The following RHBDD1 variants were observed in gnomAD, a reference collection of about 807,000 sequenced individuals.
RHBDD1 encodes rhomboid domain containing 1, also known as rhomboid-related protein 4.
RHBDD1 carries 38 observed loss-of-function variants against 36.3 expected under a neutral mutation model. The ratio of observed to expected loss-of-function variants is 1.05; its 90% CI spans 0.81 to 1.37. RHBDD1 has a LOEUF of 1.37. RHBDD1 is among the 40% of genes most tolerant of loss of function. The pLI is 0.00. For missense variants in RHBDD1, 393 were observed against 377.6 expected (o/e 1.04, Z -0.34); for synonymous variants, 151 against 136.5 (o/e 1.11, Z -0.74).
intron 5 of RHBDD1, among the ~76,000 whole-genome samples, chr2:226,900,548 T>G (rs1947501272): frequency 6.6e-6 from 1 of 152,186 alleles, no homozygotes; most frequent in South Asian, 2.1e-4. Flanking sequence ...TTTTAGGATA[T>G]AATAATATAT....
chr2:226,800,929 G>T, the RHBDD1 span, among the ~76,000 whole-genome samples: 1 of 152,180 alleles, frequency 6.6e-6, no homozygotes, highest in East Asian at 1.9e-4. Context: ...GTCACCTTGC[G>T]GTATCAGTCT....
intron 5 of RHBDD1, among the ~76,000 whole-genome samples, chr2:226,870,137 C>T (rs977365289): frequency 1.3e-5 from 2 of 152,128 alleles, no homozygotes; most frequent in Non-Finnish European, 2.9e-5. Flanking sequence ...GTGACAGGGC[C>T]GGGCTCACAT....
intron 5 of RHBDD1, among the ~76,000 whole-genome samples, chr2:226,894,002 A>T (rs1483110569): frequency 6.6e-6 from 1 of 152,202 alleles, no homozygotes; most frequent in African/African-American, 2.4e-5. Flanking sequence ...TTTTCCAGGA[A>T]AATTATATTA....
chr2:226,976,291 A>AC (rs545800287), intron 8 of RHBDD1, among the ~76,000 whole-genome samples: 19 of 146,558 alleles, frequency 1.3e-4, no homozygotes, highest in Admixed American at 6.3e-4. Flanking sequence ...GGATATGCCC[A>AC]CCCCCCTGGA....
intron 8 of RHBDD1, among the ~76,000 whole-genome samples, chr2:226,955,403 AC>A (rs1951724016): frequency 1.3e-5 from 2 of 152,224 alleles, no homozygotes; most frequent in Non-Finnish European, 2.9e-5. Context: ...AGGGGCATAT[AC>A]AGCTTTTCTG....
At chr2:226,843,228 C>T (rs545585768) in intron 3 of RHBDD1, among the ~76,000 whole-genome samples, 3 of 152,028 alleles carry the variant, frequency 2.0e-5, no homozygotes, top group Non-Finnish European at 4.4e-5. Context: ...CAGATAATTT[C>T]ACTTCCTCTC....
At chr2:226,968,426 A>G (rs904932133) in intron 8 of RHBDD1, among the ~76,000 whole-genome samples, 2 of 151,918 alleles carry the variant, frequency 1.3e-5, no homozygotes, top group African/African-American at 4.9e-5. Context: ...TCTTCAGGGA[A>G]GTTTCAGCTC....
At chr2:226,984,639 C>G (rs1956522732) in intron 8 of RHBDD1, among the ~76,000 whole-genome samples, 1 of 152,200 alleles carries the variant, frequency 6.6e-6, no homozygotes, top group East Asian at 1.9e-4. Flanking sequence ...ACAGCAACAG[C>G]TAACGCCCTG....
chr2:226,802,069 G>A, the RHBDD1 span, among the ~76,000 whole-genome samples: 1 of 151,936 alleles, frequency 6.6e-6, no homozygotes, highest in African/African-American at 2.4e-5. Context: ...ACCTCTATGG[G>A]GGAAAAATAC....
intron 8 of RHBDD1, among the ~76,000 whole-genome samples, chr2:226,948,065 G>A (rs1951118807): frequency 6.6e-6 from 1 of 151,842 alleles, no homozygotes; most frequent in Admixed American, 6.6e-5. Context: ...TCCCATTACT[G>A]GGTATATACC....
chr2:226,926,655 C>A (rs1391840975), intron 8 of RHBDD1, among the ~76,000 whole-genome samples: 1 of 152,146 alleles, frequency 6.6e-6, no homozygotes, highest in Non-Finnish European at 1.5e-5. Flanking sequence ...TCAGGAGATA[C>A]ACTGTGTCAA....
chr2:226,977,780 T>A (rs1954866549), intron 8 of RHBDD1, among the ~76,000 whole-genome samples: 1 of 152,256 alleles, frequency 6.6e-6, no homozygotes. Flanking sequence ...AGCTCATAAA[T>A]TCACACTGGG....
At chr2:226,854,277 C>T (rs1164963509) in intron 3 of RHBDD1, among the ~76,000 whole-genome samples, 1 of 151,944 alleles carries the variant, frequency 6.6e-6, no homozygotes, top group Admixed American at 6.6e-5. Context: ...AATGAGGAGA[C>T]TGAGGTAGAG....
intron 8 of RHBDD1, among the ~76,000 whole-genome samples, chr2:226,967,666 C>T (rs1193279787): frequency 6.6e-6 from 1 of 151,784 alleles, no homozygotes; most frequent in Non-Finnish European, 1.5e-5. Flanking sequence ...AGTAATTTTT[C>T]TGTCTGTAGC....
chr2:226,878,051 A>G (rs375881548), intron 5 of RHBDD1, among the ~76,000 whole-genome samples: 2 of 152,172 alleles, frequency 1.3e-5, no homozygotes, highest in African/African-American at 2.4e-5. Context: ...GAAGGGTCTT[A>G]GGGGCTTCTA....
At chr2:226,945,800 C>T (rs1370082948) in intron 8 of RHBDD1, among the ~76,000 whole-genome samples, 1 of 152,140 alleles carries the variant, frequency 6.6e-6, no homozygotes, top group Non-Finnish European at 1.5e-5. Context: ...CCTGTTTCTC[C>T]ACATCCTCTC....
intron 8 of RHBDD1, among the ~76,000 whole-genome samples, chr2:226,973,371 G>T (rs1194530877): frequency 2.6e-5 from 4 of 152,200 alleles, no homozygotes; most frequent in Admixed American, 1.3e-4. Context: ...AGAAGTGGGT[G>T]CCTGGGGGAG....
At chr2:226,845,085 A>C (rs1942080812) in intron 3 of RHBDD1, among the ~76,000 whole-genome samples, 1 of 152,056 alleles carries the variant, frequency 6.6e-6, no homozygotes, top group South Asian at 2.1e-4. Flanking sequence ...CTTGACAGAG[A>C]TCCTGGTTTG....
At chr2:226,974,458 C>T (rs934407650) in intron 8 of RHBDD1, among the ~76,000 whole-genome samples, 2 of 152,060 alleles carry the variant, frequency 1.3e-5, no homozygotes, top group Non-Finnish European at 2.9e-5. Context: ...AGGATGGTTT[C>T]GATCTCCTGA....
Sources: gnomAD v4.1 joint callset for allele counts (sites outside exome capture counted in the v4.1 genomes callset) on GRCh38, gnomAD v4.1.1 for gene constraint, MANE v1.5 for transcripts, NCBI Gene and HGNC (gene_info 2026-07-23, HGNC 2026-07-21) for gene names.